WDR64: variants seen among roughly 807,000 people sequenced by gnomAD.
WDR64 encodes the protein WD repeat-containing protein 64.
A neutral mutation model predicts 139.3 loss-of-function variants in WDR64; 112 were observed. The observed-to-expected ratio is 0.80, with a 90% confidence interval of 0.69 to 0.94. The LOEUF (loss-of-function observed/expected upper bound fraction) is 0.94, where lower values mean the gene tolerates loss of function less well. WDR64 is among the 40% of genes least tolerant of loss of function. WDR64 has a pLI of 0.00. For synonymous variants in WDR64, 444 were observed against 437.7 expected (o/e 1.01, Z -0.18); for missense variants, 1,206 against 1,293.1 (o/e 0.93, Z 1.03).
chr1:241,726,895 T>A (rs1668863861), intron 10 of WDR64, among the ~76,000 whole-genome samples: 1 of 151,968 alleles, frequency 6.6e-6, no homozygotes, highest in African/African-American at 2.4e-5. Context: ...GGACAAAGTT[T>A]TTTTTTTTGA....
At chr1:241,693,748 A>G (rs1302328568) in intron 8 of WDR64, among the ~76,000 whole-genome samples, 1 of 152,216 alleles carries the variant, frequency 6.6e-6, no homozygotes. Flanking sequence ...ACAAACAAGA[A>G]TCTGACTTGT....
chr1:241,770,395 G>A (rs1461412906), intron 17 of WDR64: 3 of 416,226 alleles, frequency 7.2e-6, no homozygotes, highest in African/African-American at 6.2e-5. Flanking sequence ...TCTGACAAAG[G>A]GAGCAATAAA....
intron 8 of WDR64, among the ~76,000 whole-genome samples, chr1:241,700,291 T>C (rs1441349133): frequency 6.6e-6 from 1 of 151,434 alleles, no homozygotes; most frequent in Non-Finnish European, 1.5e-5. Flanking sequence ...CAAGAATATC[T>C]GTTCTCTCTC....
intron 8 of WDR64, among the ~76,000 whole-genome samples, chr1:241,696,214 C>G (rs565111975): frequency 3.5e-5 from 5 of 143,502 alleles, no homozygotes; most frequent in African/African-American, 5.2e-5. Context: ...AAAAAGTTCT[C>G]TTCAGAGAAA....
intron 23 of WDR64, among the ~76,000 whole-genome samples, chr1:241,786,309 C>G (rs2148322852): frequency 6.6e-6 from 1 of 152,320 alleles, no homozygotes; most frequent in African/African-American, 2.4e-5. Context: ...TGCTTGCCCT[C>G]CTCCTTTTAG....
intron 1 of WDR64, among the ~76,000 whole-genome samples, chr1:241,655,049 A>G (rs1171586284): frequency 6.6e-6 from 1 of 152,160 alleles, no homozygotes; most frequent in Non-Finnish European, 1.5e-5. Flanking sequence ...TCACTATGTC[A>G]TGGTATCTAT....
At chr1:241,790,325 T>G (rs996485009) in intron 24 of WDR64, among the ~76,000 whole-genome samples, 1 of 152,176 alleles carries the variant, frequency 6.6e-6, no homozygotes, top group African/African-American at 2.4e-5. Flanking sequence ...CACTCCATAC[T>G]GGGTGACAGA....
chr1:241,754,320 CTTTTTTTTT>C (rs71174845), intron 14 of WDR64, among the ~76,000 whole-genome samples: 1 of 81,846 alleles, frequency 1.2e-5, no homozygotes, highest in Non-Finnish European at 2.4e-5. Context: ...TTTTCTTTTT[CTTTTTTTTT>C]TTTTTTTTTG....
chr1:241,671,058 C>T lies in WDR64; in HGVS notation c.277-16C>T, dbSNP rs1666205992. On this transcript the variant is annotated splice_polypyrimidine_tract_variant and intron_variant, in intron 2 of 27. Transcript: ENST00000437684. Reference sequence around the variant, plus strand: ...GAGGCATGCTGCATATTTATATGTGCTGTTTGGGATTTCAGATCTTTGGAT... The same window carrying T: ...GAGGCATGCTGCATATTTATATGTGTTGTTTGGGATTTCAGATCTTTGGAT... The T allele has an allele frequency of 2.0e-6, 3 of 1,496,420 alleles. No homozygotes were observed. Among genetic ancestry groups the T allele is most frequent in the South Asian group, 1.3e-5 (1 of 79,114 alleles). The allele number at this position is 1,496,420 out of a possible 1,614,324, so 92.7% of individuals were successfully genotyped here.
At chr1:241,727,561 C>G (rs1331014998) in intron 10 of WDR64, among the ~76,000 whole-genome samples, 2 of 152,122 alleles carry the variant, frequency 1.3e-5, no homozygotes, top group Non-Finnish European at 2.9e-5. Context: ...TTAACAAATA[C>G]TTATTTATTT....
intron 2 of WDR64, among the ~76,000 whole-genome samples, chr1:241,663,949 T>G (rs1665933841): frequency 6.6e-6 from 1 of 152,242 alleles, no homozygotes; most frequent in Non-Finnish European, 1.5e-5. Flanking sequence ...TGTTTTTTTT[T>G]CTAGATATAC....
At chr1:241,691,141 G>GT (rs1415899012) in intron 8 of WDR64, among the ~76,000 whole-genome samples, 17 of 151,772 alleles carry the variant, frequency 1.1e-4, no homozygotes, top group African/African-American at 3.1e-4. Flanking sequence ...ACGAAAAATT[G>GT]TTTTTTAAAA....
intron 6 of WDR64, among the ~76,000 whole-genome samples, chr1:241,681,765 CT>C (rs1451145725): frequency 6.6e-6 from 1 of 152,174 alleles, no homozygotes; most frequent in Non-Finnish European, 1.5e-5. Context: ...TCCCTTTTCA[CT>C]GCATCCACAC....
In WDR64 at chr1:241,787,932, T is replaced by C; in HGVS notation, c.2789T>C (p.Ile930Thr). Residue 930 changes from isoleucine (I) to threonine (T), a missense_variant, in exon 24 of 28, where the codon ATT becomes ACT. Ile to Thr is a moderately conservative substitution (Grantham distance 89). Coordinates refer to ENST00000437684, the MANE Select transcript of WDR64 (RefSeq NM_001367482.1). ...LFELSQTRDFILPCDVTEYPI... is the reference protein window; with the variant it reads ...LFELSQTRDFTLPCDVTEYPI... The stretch of plus-strand genomic sequence containing the variant: ...GAATTATCACAGACAAGAGATTTCA[T>C]TTTGCCTTGTGATGTTACTGAATAT... 1 of 1,612,946 alleles carries C rather than the reference T, an allele frequency of 6.2e-7. No homozygotes were observed. The highest frequency in any genetic ancestry group is 8.5e-7 in the Non-Finnish European group (1 of 1,179,592).
intron 14 of WDR64, among the ~76,000 whole-genome samples, chr1:241,755,521 CTGA>C (rs1443736515): frequency 6.6e-6 from 1 of 152,198 alleles, no homozygotes; most frequent in African/African-American, 2.4e-5. Context: ...CCTGTTCACT[CTGA>C]TGATAGTTTC....
At chr1:241,688,718 C>T (rs1332989770) in intron 8 of WDR64, among the ~76,000 whole-genome samples, 1 of 152,078 alleles carries the variant, frequency 6.6e-6, no homozygotes, top group East Asian at 1.9e-4. Context: ...GCAGGAACCC[C>T]CTGAATAACC....
chr1:241,701,348 TG>T (rs1290494928), intron 8 of WDR64, among the ~76,000 whole-genome samples: 8 of 152,348 alleles, frequency 5.3e-5, no homozygotes, highest in African/African-American at 1.2e-4. Flanking sequence ...GTTGTTTATA[TG>T]TTTTTTTCAA....
chr1:241,679,845 T>G lies in WDR64; in HGVS notation c.624+250T>G, dbSNP rs1216622578. 6.6e-5 allele frequency among the ~76,000 whole-genome samples: 10 copies of G among 152,224 alleles called. No individual in the cohort carries two copies. In the East Asian group the frequency reaches 1.9e-3, roughly 29 times the overall value. On this transcript the variant is annotated intron_variant, in intron 6 of 27. Transcript: ENST00000437684. ...TTGAGAGAGGGGGTAATTCCTTTCT[T>G]CTTTTATACCCTTCTCTGAATCCAA...
At chr1:241,716,201 A>G (rs772251589) in intron 9 of WDR64, among the ~76,000 whole-genome samples, 3 of 152,096 alleles carry the variant, frequency 2.0e-5, no homozygotes, top group Non-Finnish European at 4.4e-5. Flanking sequence ...AAAATATACA[A>G]TAAAAGCAGC....
Sources: gnomAD v4.1 joint callset for allele counts (sites outside exome capture counted in the v4.1 genomes callset) on GRCh38, gnomAD v4.1.1 for gene constraint, MANE v1.5 for transcripts, NCBI Gene and HGNC (gene_info 2026-07-23, HGNC 2026-07-21) for gene names.